The following DYNLT2B variants were observed in gnomAD, a reference collection of about 807,000 sequenced individuals.
DYNLT2B encodes dynein light chain Tctex-type protein 2B.
In DYNLT2B, 14 loss-of-function variants were observed where a neutral mutation model predicts 19.5. That is an observed-to-expected ratio of 0.72 (90% CI 0.47 to 1.12). DYNLT2B has a LOEUF of 1.12. DYNLT2B is among the 50% of genes most tolerant of loss of function. The pLI is 0.00. For missense variants in DYNLT2B, 133 were observed against 174.7 expected (o/e 0.76, Z 1.35); for synonymous variants, 70 against 59.7 (o/e 1.17, Z -0.79).
Position 196,294,459 on chromosome 3 carries a change from A to G in DYNLT2B, c.381+1547T>C, listed in dbSNP as rs139097364. Among the ~76,000 whole-genome samples the G allele has an allele frequency of 7.2e-4, 109 of 152,356 alleles. 1 individual carries two copies. The East Asian group carries it at 0.019, about 27-fold the overall frequency. ...GTGTCCATATCTGGCAGTCAGCAGA[A>G]TCATGGGGAACTTTTTAAATATTCT... On this transcript the variant is annotated intron_variant, in intron 4 of 4. Coordinates refer to ENST00000325318, the MANE Select transcript of DYNLT2B (RefSeq NM_152773.5).
intron 2 of DYNLT2B, among the ~76,000 whole-genome samples, chr3:196,312,974 A>G (rs1726681146): frequency 6.6e-6 from 1 of 152,036 alleles, no homozygotes; most frequent in Non-Finnish European, 1.5e-5. Flanking sequence ...CTGAAATCAC[A>G]CCGCTGCACT....
intron 3 of DYNLT2B, among the ~76,000 whole-genome samples, chr3:196,297,300 G>A (rs1362087274): frequency 3.3e-5 from 5 of 152,074 alleles, no homozygotes; most frequent in African/African-American, 7.2e-5. Flanking sequence ...TGAGGTGGGC[G>A]AATCACCTGA....
intron 2 of DYNLT2B, among the ~76,000 whole-genome samples, chr3:196,307,436 G>T (rs1726517246): frequency 6.6e-6 from 1 of 152,024 alleles, no homozygotes; most frequent in African/African-American, 2.4e-5. Flanking sequence ...CTCAGTAGCT[G>T]GGACTACAGG....
At chr3:196,314,184 T>G (rs1224361332) in intron 2 of DYNLT2B, among the ~76,000 whole-genome samples, 2 of 151,342 alleles carry the variant, frequency 1.3e-5, no homozygotes, top group Non-Finnish European at 2.9e-5. Flanking sequence ...ATTCTTTCTC[T>G]TCAAAAAATG....
chr3:196,302,165 G>A (rs775123516), intron 3 of DYNLT2B, among the ~76,000 whole-genome samples: 1 of 152,100 alleles, frequency 6.6e-6, no homozygotes, highest in African/African-American at 2.4e-5. Flanking sequence ...TCAGAAAAAA[G>A]CATAAGAGAC....
At chr3:196,312,551 TG>T (rs1726670706) in intron 2 of DYNLT2B, among the ~76,000 whole-genome samples, 1 of 152,106 alleles carries the variant, frequency 6.6e-6, no homozygotes, top group African/African-American at 2.4e-5. Context: ...CTCTGCCTCC[TG>T]GGTTCAAGTG....
At chr3:196,295,044 ACT>A (rs1165455648) in intron 4 of DYNLT2B, among the ~76,000 whole-genome samples, 1 of 151,682 alleles carries the variant, frequency 6.6e-6, no homozygotes, top group Non-Finnish European at 1.5e-5. Flanking sequence ...ACCTGGCCTC[ACT>A]CTCTTAATTT....
chr3:196,318,025 C>A lies in DYNLT2B; in HGVS notation c.113+15G>T. 4.7e-6 allele frequency: 7 copies of A among 1,480,124 alleles called. No individual in the cohort carries two copies. The highest frequency in any genetic ancestry group is 6.3e-6 in the Non-Finnish European group (7 of 1,109,248). The allele number at this position is 1,480,124 out of a possible 1,614,324, so 91.7% of individuals were successfully genotyped here. On this transcript the variant is annotated intron_variant, in intron 1 of 4. Transcript: ENST00000325318. ...GCGCTCGAGGTCGCCCCGCCACAGC[C>A]CGTCCTCTACCCGCCTCTGCTGGAA...
intron 3 of DYNLT2B, 136 bp from the exon 4 acceptor site, chr3:196,296,205 C>G (rs1726219359): frequency 1.4e-6 from 1 of 729,222 alleles, no homozygotes; most frequent in East Asian, 2.6e-5. Flanking sequence ...TAGGTACCCA[C>G]AGAGTATTGT....
At chr3:196,305,155 A>C (rs1021615392) in intron 3 of DYNLT2B, among the ~76,000 whole-genome samples, 14 of 152,200 alleles carry the variant, frequency 9.2e-5, no homozygotes, top group African/African-American at 3.4e-4. Flanking sequence ...AAGTGCTGGG[A>C]TTACAGGTGT....
chr3:196,306,926 A>C lies in DYNLT2B; in HGVS notation c.317+17T>G, dbSNP rs1205414444. ...AATATAGATGACTAAAACAAGAAGG[A>C]AAATCCAGCTACTCACAATACTCCT... On this transcript the variant is annotated intron_variant, in intron 3 of 4. Coordinates refer to ENST00000325318, the MANE Select transcript of DYNLT2B (RefSeq NM_152773.5). 7 of 1,610,040 alleles carry C rather than the reference A, an allele frequency of 4.3e-6. No individual in the cohort carries two copies. The highest frequency in any genetic ancestry group is 1.1e-5 in the South Asian group (1 of 90,882).
chr3:196,292,996 G>A (rs1380177832), intron 4 of DYNLT2B, among the ~76,000 whole-genome samples: 1 of 152,182 alleles, frequency 6.6e-6, no homozygotes, highest in African/African-American at 2.4e-5. Context: ...TGGGACTACA[G>A]GCGCCCGCCA....
intron 4 of DYNLT2B, among the ~76,000 whole-genome samples, chr3:196,294,568 G>A (rs1008402589): frequency 2.0e-5 from 3 of 152,102 alleles, no homozygotes; most frequent in African/African-American, 4.8e-5. Flanking sequence ...CAACTTCCCA[G>A]ATGATCCTTA....
intron 2 of DYNLT2B, among the ~76,000 whole-genome samples, chr3:196,310,663 A>T (rs1279659676): frequency 1.4e-5 from 2 of 140,130 alleles, no homozygotes; most frequent in African/African-American, 5.4e-5. Context: ...CCTGACCTCA[A>T]GTGATCCACC....
chr3:196,306,013 G>A (rs1382874800), intron 3 of DYNLT2B, among the ~76,000 whole-genome samples: 1 of 151,716 alleles, frequency 6.6e-6, no homozygotes, highest in African/African-American at 2.4e-5. Flanking sequence ...CTCCAGCCTG[G>A]GCAAGATAGC....
At chr3:196,302,233 C>T (rs746714860) in intron 3 of DYNLT2B, among the ~76,000 whole-genome samples, 9 of 152,080 alleles carry the variant, frequency 5.9e-5, no homozygotes, top group Admixed American at 4.6e-4. Flanking sequence ...AAAAAGAGAG[C>T]GGAGTGGAAG....
intron 4 of DYNLT2B, among the ~76,000 whole-genome samples, chr3:196,291,965 T>C (rs1255998825): frequency 6.6e-6 from 1 of 152,234 alleles, no homozygotes; most frequent in Admixed American, 6.5e-5. Flanking sequence ...GTAATACATA[T>C]TCATAAAATA....
At chr3:196,291,971 A>G (rs1726105963) in intron 4 of DYNLT2B, among the ~76,000 whole-genome samples, 1 of 152,246 alleles carries the variant, frequency 6.6e-6, no homozygotes, top group South Asian at 2.1e-4. Context: ...CATATTCATA[A>G]AATAATTATT....
At chr3:196,316,889 C>CTGTGTGTGTGTGTG (rs1177958920) in intron 1 of DYNLT2B, among the ~76,000 whole-genome samples, 2 of 46,034 alleles carry the variant, frequency 4.3e-5, no homozygotes, top group Non-Finnish European at 9.7e-5. Context: ...ACATTTTTTT[C>CTGTGTGTGTGTGTG]AGTGTGTGTG....
Sources: gnomAD v4.1 joint callset for allele counts (sites outside exome capture counted in the v4.1 genomes callset) on GRCh38, gnomAD v4.1.1 for gene constraint, MANE v1.5 for transcripts, NCBI Gene and HGNC (gene_info 2026-07-23, HGNC 2026-07-21) for gene names.